Variants in DTNB observed in about 807,000 individuals in gnomAD.
DTNB encodes dystrobrevin beta.
Under a neutral mutation model 90.7 loss-of-function variants are expected in DTNB, and 63 were observed. The observed-to-expected ratio is 0.69, with a 90% CI of 0.57 to 0.86. The LOEUF (loss-of-function observed/expected upper bound fraction) is 0.86. Among genes scored for constraint, DTNB ranks in the 40% least tolerant of loss-of-function variants. The pLI, the probability that DTNB is intolerant of heterozygous loss-of-function variation, is 0.00. For missense variants in DTNB, 744 were observed against 807.1 expected (o/e 0.92, Z 0.95); for synonymous variants, 277 against 286.7 (o/e 0.97, Z 0.34).
At chr2:25,609,943 G>A (rs1202978169) in intron 4 of DTNB, among the ~76,000 whole-genome samples, 2 of 152,060 alleles carry the variant, frequency 1.3e-5, no homozygotes, top group Non-Finnish European at 2.9e-5. Flanking sequence ...AAATACAAAT[G>A]ACTATTAAGT....
intron 8 of DTNB, among the ~76,000 whole-genome samples, chr2:25,555,207 C>A (rs1264840783): frequency 6.8e-6 from 1 of 146,670 alleles, no homozygotes; most frequent in Non-Finnish European, 1.5e-5. Context: ...AGGAGAATGA[C>A]ATGAACCCAG....
chr2:25,580,597 A>T, intron 7 of DTNB, 124 bp downstream of exon 7: 1 of 958,238 alleles, frequency 1.0e-6, no homozygotes, highest in South Asian at 1.5e-5. Context: ...ACAAAATGAA[A>T]TGACAGAATG....
intron 20 of DTNB, among the ~76,000 whole-genome samples, chr2:25,377,919 C>G (rs930397129): frequency 6.6e-6 from 1 of 152,154 alleles, no homozygotes; most frequent in Non-Finnish European, 1.5e-5. Context: ...TCCATGAATC[C>G]GCGGCACCCA....
chr2:25,549,562 T>C (rs2083158068), intron 8 of DTNB, among the ~76,000 whole-genome samples: 2 of 152,236 alleles, frequency 1.3e-5, no homozygotes, highest in African/African-American at 4.8e-5. Context: ...GTTGCTAACT[T>C]TGTTGACCTA....
chr2:25,508,535 T>G (rs1307326182), intron 9 of DTNB, among the ~76,000 whole-genome samples: 8 of 128,322 alleles, frequency 6.2e-5, no homozygotes, highest in African/African-American at 2.5e-4. Context: ...GTTTCGCTCT[T>G]TGTTTTTTAT....
At chr2:25,484,306 A>G (rs1283919153) in intron 9 of DTNB, among the ~76,000 whole-genome samples, 2 of 152,222 alleles carry the variant, frequency 1.3e-5, no homozygotes, top group Non-Finnish European at 2.9e-5. Context: ...CTTCTCTCAT[A>G]TTTAGGTGCT....
intron 10 of DTNB, among the ~76,000 whole-genome samples, chr2:25,479,168 T>A (rs968027414): frequency 2.0e-5 from 3 of 152,228 alleles, no homozygotes; most frequent in Non-Finnish European, 4.4e-5. Flanking sequence ...CACAGTTCTA[T>A]GAAATTCCCA....
At chr2:25,470,150 A>C (rs1192911100) in intron 10 of DTNB, among the ~76,000 whole-genome samples, 4 of 152,154 alleles carry the variant, frequency 2.6e-5, no homozygotes, top group Non-Finnish European at 5.9e-5. Context: ...CTGACTCTGG[A>C]AAGTCCTGAA....
At position 25,580,895 on chromosome 2, in the gene DTNB, G is replaced by A. The variant is rs886460294; in HGVS notation, c.604-69C>T. ...ATCTCCAAACTCCAAGTTTAATTTA[G>A]GATTTTTCCCATCCAAACTTTAGTG... On this transcript the variant is annotated intron_variant, in intron 6 of 20. Transcript: ENST00000406818. 21 of 1,386,688 alleles carry A rather than the reference G, an allele frequency of 1.5e-5. No individual in the cohort carries two copies. In the African/African-American group the frequency reaches 2.2e-4, roughly 14 times the overall value. The allele number at this position is 1,386,688 out of a possible 1,614,324, so 85.9% of individuals were successfully genotyped here. A position where few individuals can be genotyped will look rare whatever the true frequency, so the allele number is the denominator to read the frequency against.
intron 8 of DTNB, among the ~76,000 whole-genome samples, chr2:25,546,360 C>T (rs1390003904): frequency 6.6e-6 from 1 of 152,206 alleles, no homozygotes; most frequent in Non-Finnish European, 1.5e-5. Flanking sequence ...AAATCTTTTT[C>T]CTCTAAACTT....
intron 2 of DTNB, among the ~76,000 whole-genome samples, chr2:25,639,487 CCGTGGCTGTGGCCATGCGG>C (rs1361810285): frequency 9.2e-6 from 1 of 109,124 alleles, no homozygotes; most frequent in African/African-American, 3.1e-5. Context: ...TGGCCATGCC[CCGTGGCTGTGGCCATGCGG>C]CGTGCCTCTG....
At chr2:25,506,491 G>A (rs1233703212) in intron 9 of DTNB, among the ~76,000 whole-genome samples, 2 of 151,988 alleles carry the variant, frequency 1.3e-5, no homozygotes, top group Non-Finnish European at 2.9e-5. Flanking sequence ...GTATCCATTA[G>A]TTATTTTTCC....
At chr2:25,657,819 T>C (rs969029859) in intron 1 of DTNB, among the ~76,000 whole-genome samples, 3 of 152,196 alleles carry the variant, frequency 2.0e-5, no homozygotes, top group Non-Finnish European at 4.4e-5. Context: ...CCAAAGAAGA[T>C]ACACAGATGG....
chr2:25,625,497 A>G (rs1374738895), intron 4 of DTNB, among the ~76,000 whole-genome samples: 1 of 151,978 alleles, frequency 6.6e-6, no homozygotes, highest in Admixed American at 6.6e-5. Flanking sequence ...TCAAAGTAAA[A>G]ATTACCCAAC....
In DTNB at chr2:25,581,540, T is replaced by C. The variant is rs2061554689; in HGVS notation, c.604-714A>G. The stretch of plus-strand genomic sequence containing the variant: ...ACTGCATTTTTCTGTTCTATCTTTA[T>C]TTCTCTTTTTAACAAATATATAGTA... On this transcript the variant is annotated intron_variant, in intron 6 of 20. Coordinates refer to ENST00000406818, the MANE Select transcript of DTNB (RefSeq NM_021907.5). Among the ~76,000 whole-genome samples, 3 of 152,240 alleles carry C rather than the reference T, an allele frequency of 2.0e-5. No individual in the cohort carries two copies. The South Asian group carries it at 6.2e-4, about 32-fold the overall frequency.
chr2:25,453,467 TACTC>T (rs1365348844), intron 11 of DTNB, among the ~76,000 whole-genome samples: 3 of 152,332 alleles, frequency 2.0e-5, no homozygotes, highest in South Asian at 4.1e-4. Flanking sequence ...AGTCATGTAG[TACTC>T]ACTCACTCAT....
intron 10 of DTNB, among the ~76,000 whole-genome samples, chr2:25,463,751 G>A (rs2061366647): frequency 6.6e-6 from 1 of 152,226 alleles, no homozygotes; most frequent in Admixed American, 6.5e-5. Flanking sequence ...GGAGAGGGAA[G>A]TTACAGACAA....
At chr2:25,468,473 G>A (rs2062184453) in intron 10 of DTNB, among the ~76,000 whole-genome samples, 1 of 152,174 alleles carries the variant, frequency 6.6e-6, no homozygotes, top group South Asian at 2.1e-4. Flanking sequence ...TGAGTTTGAA[G>A]GTAGTATGTA....
chr2:25,672,988 C>A, intron 1 of DTNB: 1 of 152,432 alleles, frequency 6.6e-6, no homozygotes, highest in Non-Finnish European at 1.5e-5. Context: ...GCCCGCCTCA[C>A]CTGCCCTCTG....
Sources: allele counts gnomAD v4.1 joint callset (sites outside exome capture counted in the v4.1 genomes callset), GRCh38; gene constraint gnomAD v4.1.1; transcripts MANE v1.5; gene names NCBI Gene and HGNC (gene_info 2026-07-23, HGNC 2026-07-21).